HBA2: variants seen among roughly 807,000 people sequenced by gnomAD.
The protein encoded by HBA2 is hemoglobin subunit alpha 2, also known as hemoglobin subunit alpha.
A neutral mutation model predicts 5.6 loss-of-function variants in HBA2; 9 were observed. The ratio of observed to expected loss-of-function variants is 1.60; its 90% CI spans 0.97 to 2.80. The LOEUF is 2.80. HBA2 is among the 30% of genes most tolerant of loss of function. The pLI is 0.00. For missense variants in HBA2, 86 were observed against 152.1 expected (o/e 0.57, Z 2.29); for synonymous variants, 38 against 73.4 (o/e 0.52, Z 2.47).
rs755720730 is a variant in HBA2 at position 173,618 on chromosome 16, C to G, written c.*18C>G. ...ACCGTTAAGCTGGAGCCTCGGTAGC[C>G]GTTCCTCCTGCCCGCTGGGCCTCCC... On this transcript the variant is annotated 3_prime_UTR_variant, in exon 3 of 3. Transcript: ENST00000251595. The G allele has an allele frequency of 2.4e-5, 39 of 1,608,486 alleles. 2 individuals are homozygous for G. Among genetic ancestry groups the G allele is most frequent in the Admixed American group, 1.8e-4 (11 of 59,872 alleles).
rs1469967503 is a variant in HBA2 at position 173,543 on chromosome 16, C to T, written c.372C>T (p.Ala124=). The T allele has an allele frequency of 6.2e-7, 1 of 1,607,580 alleles. No homozygotes were observed. The highest frequency in any genetic ancestry group is 8.5e-7 in the Non-Finnish European group (1 of 1,179,786). Residue 124 remains alanine (A), a synonymous_variant, in exon 3 of 3, where the codon GCC becomes GCT. Coordinates refer to ENST00000251595, the MANE Select transcript of HBA2 (RefSeq NM_000517.6). ...LPAEFTPAVH[A]SLDKFLASVS... is the part of the protein sequence containing the mutation. ...CCGAGTTCACCCCTGCGGTGCACGC[C>T]TCCCTGGACAAGTTCCTGGCTTCTG... is the stretch of plus-strand genomic sequence containing the variant.
Position 173,508 on chromosome 16 carries a change from C to G in HBA2, c.337C>G (p.His113Asp), listed in dbSNP as rs281864885. 6.2e-7 allele frequency: 1 copy of G among 1,606,560 alleles called. No homozygotes were observed. Among genetic ancestry groups the G allele is most frequent in the Non-Finnish European group, 8.5e-7 (1 of 1,179,812 alleles). Residue 113 changes from histidine to aspartate, a missense_variant, in exon 3 of 3, where the codon CAC becomes GAC. His to Asp is a moderately conservative substitution (Grantham distance 81). Around this residue, in one of 3 missense-constraint regions of HBA2, gnomAD observed 44 missense variants for 54.8 expected, o/e 0.80. Coordinates refer to ENST00000251595, the MANE Select transcript of HBA2 (RefSeq NM_000517.6). ...SHCLLVTLAA[H>D]LPAEFTPAVH... ...CTGCCTGCTGGTGACCCTGGCCGCCCACCTCCCCGCCGAGTTCACCCCTGC... is the reference window on the plus strand; with the variant it reads ...CTGCCTGCTGGTGACCCTGGCCGCCGACCTCCCCGCCGAGTTCACCCCTGC...
In HBA2 at chr16:172,910, A is replaced by G; in HGVS notation, c.-3A>G. The G allele has an allele frequency of 3.8e-6, 1 of 260,048 alleles. No homozygotes were observed. Among genetic ancestry groups the G allele is most frequent in the South Asian group, 2.4e-5 (1 of 41,766 alleles). The allele number at this position is 260,048 out of a possible 1,614,324, so 16.1% of individuals were successfully genotyped here. A position where few individuals can be genotyped will look rare whatever the true frequency, so the allele number is the denominator to read the frequency against. ...GTCCCCACAGACTCAGAGAGAACCCACCATGGTGCTGTCTCCTGCCGACAA... is the reference window on the plus strand; with the variant it reads ...GTCCCCACAGACTCAGAGAGAACCCGCCATGGTGCTGTCTCCTGCCGACAA... On this transcript the variant is annotated 5_prime_UTR_variant, in exon 1 of 3. Coordinates refer to ENST00000251595, the MANE Select transcript of HBA2 (RefSeq NM_000517.6).
In HBA2 at chr16:172,970, G is replaced by T; in HGVS notation, c.58G>T (p.Ala20Ser). ...CAAGGCCGCCTGGGGTAAGGTCGGCGCGCACGCTGGCGAGTATGGTGCGGA... is the reference window on the plus strand; with the variant it reads ...CAAGGCCGCCTGGGGTAAGGTCGGCTCGCACGCTGGCGAGTATGGTGCGGA... ...NVKAAWGKVG[A>S]HAGEYGAEAL... The change falls in exon 1 of 3, where the codon GCG becomes TCG. Residue 20 changes from alanine to serine, a missense_variant. This residue lies in a region of HBA2 where 17 missense variants were observed against 16.0 expected (regional missense o/e 1.06). Transcript: ENST00000251595. 2.4e-6 allele frequency: 1 copy of T among 408,902 alleles called. No individual in the cohort carries two copies. 25.3% of individuals were successfully genotyped at this position (408,902 alleles called of 1,614,324 possible). A position where few individuals can be genotyped will look rare whatever the true frequency, so the allele number is the denominator to read the frequency against.
At chr16:173,433 C>A in intron 2 of HBA2, 39 bp from the exon 3 acceptor site, 2 of 1,604,558 alleles carry the variant, frequency 1.2e-6, no homozygotes, top group African/African-American at 2.9e-5. Flanking sequence ...CAGGCGGCGG[C>A]TGCGGGCCTG....
rs765451128 is a variant in HBA2, at chr16:173,646, C to T, written c.*46C>T. 1.9e-6 allele frequency: 3 copies of T among 1,605,932 alleles called. No homozygotes were observed. In the South Asian group the frequency reaches 3.4e-5, roughly 18 times the overall value. On this transcript the variant is annotated 3_prime_UTR_variant, in exon 3 of 3. Coordinates refer to ENST00000251595, the MANE Select transcript of HBA2 (RefSeq NM_000517.6). ...TCCTCCTGCCCGCTGGGCCTCCCAA[C>T]GGGCCCTCCTCCCCTCCTTGCACCG...
rs281864834 is a variant in HBA2, at chr16:173,171, G to C, written c.142G>C (p.Asp48His). ...PTTKTYFPHF[D>H]LSHGSAQVKG... is the part of the protein sequence containing the mutation. ...CACCAAGACCTACTTCCCGCACTTC[G>C]ACCTGAGCCACGGCTCTGCCCAGGT... The change falls in exon 2 of 3, where the codon GAC (aspartate) becomes CAC (histidine). Residue 48 changes from aspartate (D) to histidine (H), a missense_variant. Transcript: ENST00000251595. 37 of 893,450 alleles carry C rather than the reference G, an allele frequency of 4.1e-5. No individual in the cohort carries two copies. Among genetic ancestry groups the C allele is most frequent in the Non-Finnish European group, 6.7e-6 (4 of 597,304 alleles). The allele number at this position is 893,450 out of a possible 1,614,324, so 55.3% of individuals were successfully genotyped here.
rs33987053 is a variant in HBA2, at chr16:173,520, G to C, written c.349G>C (p.Glu117Gln). ...GACCCTGGCCGCCCACCTCCCCGCC[G>C]AGTTCACCCCTGCGGTGCACGCCTC... ...LVTLAAHLPA[E>Q]FTPAVHASLD... Residue 117 changes from glutamate (E) to glutamine (Q), a missense_variant, in exon 3 of 3, where the codon GAG becomes CAG. Glu to Gln is a conservative substitution (Grantham distance 29, BLOSUM62 2). This residue lies in a region of HBA2 where 44 missense variants were observed against 54.8 expected (regional missense o/e 0.80). Transcript: ENST00000251595. The C allele has an allele frequency of 6.2e-7, 1 of 1,606,934 alleles. No homozygotes were observed. Among genetic ancestry groups the C allele is most frequent in the African/African-American group, 1.4e-5 (1 of 69,938 alleles).
Position 173,020 on chromosome 16 carries a change from C to G in HBA2, c.95+13C>G. 2.1e-6 allele frequency: 1 copy of G among 470,868 alleles called. No individual in the cohort carries two copies. Among genetic ancestry groups the G allele is most frequent in the South Asian group, 2.1e-5 (1 of 48,668 alleles). 29.2% of individuals were successfully genotyped at this position (470,868 alleles called of 1,614,324 possible). A position where few individuals can be genotyped will look rare whatever the true frequency, so the allele number is the denominator to read the frequency against. On this transcript the variant is annotated intron_variant, in intron 1 of 2. Coordinates refer to ENST00000251595, the MANE Select transcript of HBA2 (RefSeq NM_000517.6). ...AGGCCCTGGAGAGGTGAGGCTCCCT[C>G]CCCTGCTCCGACCCGGGCTCCTCGC...
chr16:173,414 G>A, intron 2 of HBA2, 58 bp from the exon 3 acceptor site: 1 of 1,604,930 alleles, frequency 6.2e-7, no homozygotes, highest in Non-Finnish European at 8.5e-7. Flanking sequence ...GGTTGCGGGA[G>A]GTGTAGCGCA....
chr16:173,146 C>CT lies in HBA2; in HGVS notation c.117_118insT (p.Thr40TyrfsTer18). On this transcript the variant is annotated frameshift_variant, in exon 2 of 3. Coordinates refer to ENST00000251595, the MANE Select transcript of HBA2 (RefSeq NM_000517.6). LOFTEE classifies it high-confidence loss of function. ...GCAGGATGTTCCTGTCCTTCCCCACCACCAAGACCTACTTCCCGCACTTCG... is the reference window on the plus strand; with the variant it reads ...GCAGGATGTTCCTGTCCTTCCCCACCTACCAAGACCTACTTCCCGCACTTCG... The CT allele has an allele frequency of 1.3e-6, 1 of 762,760 alleles. No homozygotes were observed. Among genetic ancestry groups the CT allele is most frequent in the Middle Eastern group, 3.6e-4 (1 of 2,802 alleles). The allele number at this position is 762,760 out of a possible 1,614,324, so 47.2% of individuals were successfully genotyped here.
At position 173,330 on chromosome 16, in the gene HBA2, G is replaced by A; in HGVS notation, c.300+1G>A. The A allele has an allele frequency of 1.3e-6, 2 of 1,582,072 alleles. No individual in the cohort carries two copies. The highest frequency in any genetic ancestry group is 1.5e-5 in the African/African-American group (1 of 66,266). On this transcript the variant is annotated splice_donor_variant, in intron 2 of 2. Coordinates refer to ENST00000251595, the MANE Select transcript of HBA2 (RefSeq NM_000517.6). LOFTEE classifies it high-confidence loss of function. Reference sequence around the variant, plus strand: ...TCGGGTGGACCCGGTCAACTTCAAGGTGAGCGGCGGGCCGGGAGCGATCTG... The same window carrying A: ...TCGGGTGGACCCGGTCAACTTCAAGATGAGCGGCGGGCCGGGAGCGATCTG...
At chr16:173,442 T>A in intron 2 of HBA2, 30 bp from the exon 3 acceptor site, 2 of 1,604,520 alleles carry the variant, frequency 1.2e-6, no homozygotes, top group Non-Finnish European at 1.7e-6. Context: ...GCTGCGGGCC[T>A]GGGCCGCACT....
At chr16:173,354 T>A in intron 2 of HBA2, 25 bp downstream of exon 2, 1 of 1,598,838 alleles carries the variant, frequency 6.3e-7, no homozygotes, top group Non-Finnish European at 8.5e-7. Context: ...GGGAGCGATC[T>A]GGGTCGAGGG....
At chr16:173,062 G>T in intron 1 of HBA2, 55 bp downstream of exon 1, 1 of 507,286 alleles carries the variant, frequency 2.0e-6, no homozygotes, top group Non-Finnish European at 3.4e-6. Context: ...GGACCCACAG[G>T]CCACCCTCAA....
rs373861134 is a variant in HBA2 at position 173,357 on chromosome 16, G to A, written c.300+28G>A. 380 of 1,599,550 alleles carry A rather than the reference G, an allele frequency of 2.4e-4. 16 individuals are homozygous for A. The highest frequency in any genetic ancestry group is 2.0e-4 in the Admixed American group (12 of 59,602). ...GAGCGGCGGGCCGGGAGCGATCTGG[G>A]TCGAGGGGCGAGATGGCGCCTTCCT... On this transcript the variant is annotated intron_variant, in intron 2 of 2. Transcript: ENST00000251595.
At chr16:173,358 T>G (rs1567163554) in intron 2 of HBA2, 29 bp downstream of exon 2, 1 of 1,599,498 alleles carries the variant, frequency 6.3e-7, no homozygotes, top group Admixed American at 1.7e-5. Flanking sequence ...GCGATCTGGG[T>G]CGAGGGGCGA....
At position 173,344 on chromosome 16, in the gene HBA2, G is replaced by A; in HGVS notation, c.300+15G>A. The A allele has an allele frequency of 3.8e-6, 6 of 1,593,646 alleles. No homozygotes were observed. Among genetic ancestry groups the A allele is most frequent in the African/African-American group, 1.5e-5 (1 of 67,476 alleles). ...TCAACTTCAAGGTGAGCGGCGGGCC[G>A]GGAGCGATCTGGGTCGAGGGGCGAG... is the stretch of plus-strand genomic sequence containing the variant. On this transcript the variant is annotated intron_variant, in intron 2 of 2. Transcript: ENST00000251595.
rs28928882 is a variant in HBA2, at chr16:173,248, C to A, written c.219C>A (p.His73Gln). ...VADALTNAVA[H>Q]VDDMPNALSA... ...ACGCGCTGACCAACGCCGTGGCGCA[C>A]GTGGACGACATGCCCAACGCGCTGT... is the stretch of plus-strand genomic sequence containing the variant. Residue 73 changes from histidine (H) to glutamine (Q), a missense_variant, in exon 2 of 3, where the codon CAC becomes CAA. His to Gln is a conservative substitution (Grantham distance 24, BLOSUM62 0). Transcript: ENST00000251595. 7.0e-7 allele frequency: 1 copy of A among 1,431,708 alleles called. No homozygotes were observed. The highest frequency in any genetic ancestry group is 9.3e-7 in the Non-Finnish European group (1 of 1,070,650). The allele number at this position is 1,431,708 out of a possible 1,614,324, so 88.7% of individuals were successfully genotyped here.
Sources: allele counts gnomAD v4.1 joint callset, GRCh38; gene constraint gnomAD v4.1.1; regional missense constraint gnomAD v4.1.1; transcripts MANE v1.5; gene names NCBI Gene and HGNC (gene_info 2026-07-23, HGNC 2026-07-21).